PACS1: variants seen among roughly 807,000 people sequenced by gnomAD.
PACS1 encodes phosphofurin acidic cluster sorting protein 1.
Under a neutral mutation model 115.0 loss-of-function variants are expected in PACS1, and 24 were observed. That is an observed-to-expected ratio of 0.21 (90% CI 0.15 to 0.29). The LOEUF (loss-of-function observed/expected upper bound fraction) is 0.29, where lower values mean the gene tolerates loss of function less well. Among genes scored for constraint, PACS1 ranks in the 10% least tolerant of loss-of-function variants. The pLI is 1.00. For synonymous variants in PACS1, 453 were observed against 504.5 expected, an observed-to-expected ratio of 0.90 and a Z score of 1.37; for missense variants, 838 against 1,251.2, an observed-to-expected ratio of 0.67 and a Z score of 4.98.
rs377291413 is a variant in PACS1 at position 66,230,593 on chromosome 11, G to A, written c.1420G>A (p.Val474Ile). The change falls in exon 12 of 24, where the codon GTT becomes ATT. Residue 474 changes from valine to isoleucine, a missense_variant. By Grantham distance (29) the Val-to-Ile change is conservative. Coordinates refer to ENST00000320580, the MANE Select transcript of PACS1 (RefSeq NM_018026.4). Reference protein sequence around the residue: ...DMFGDASTSLVVPEKVKTPMK... With the variant: ...DMFGDASTSLIVPEKVKTPMK... The stretch of plus-strand genomic sequence containing the variant: ...GTTTGGAGATGCCAGCACGAGTCTG[G>A]TTGTGCCGGAGAAAGTCAAAACTCC... 37 of 1,614,022 alleles carry A rather than the reference G, an allele frequency of 2.3e-5. No individual in the cohort carries two copies. In the East Asian group the frequency reaches 7.8e-4, roughly 34 times the overall value.
At chr11:66,129,538 C>G (rs930185249) in intron 1 of PACS1, among the ~76,000 whole-genome samples, 3 of 151,310 alleles carry the variant, frequency 2.0e-5, no homozygotes, top group Non-Finnish European at 4.4e-5. Flanking sequence ...TCTCGAACTC[C>G]TGGGCTCAAG....
chr11:66,091,801 T>C (rs1857671546), intron 1 of PACS1, among the ~76,000 whole-genome samples: 1 of 151,980 alleles, frequency 6.6e-6, no homozygotes, highest in Admixed American at 6.6e-5. Flanking sequence ...GATAGTTTAC[T>C]GAGAATGATG....
At chr11:66,143,844 TGGCCA>T (rs1481657447) in intron 1 of PACS1, among the ~76,000 whole-genome samples, 11 of 152,220 alleles carry the variant, frequency 7.2e-5, no homozygotes, top group African/African-American at 2.7e-4. Flanking sequence ...TTTGCTATGT[TGGCCA>T]GGCTGGTTTC....
chr11:66,231,058 C>G (rs1855582339), intron 13 of PACS1, 118 bp downstream of exon 13: 2 of 1,280,026 alleles, frequency 1.6e-6, no homozygotes, highest in South Asian at 2.5e-5. Flanking sequence ...TGGAAATGCT[C>G]TGAACAAAAA....
chr11:66,154,234 C>T (rs757698597), intron 1 of PACS1, among the ~76,000 whole-genome samples: 4 of 152,070 alleles, frequency 2.6e-5, no homozygotes, highest in Non-Finnish European at 4.4e-5. Context: ...GCCAGGAATT[C>T]AAGACCAGCC....
In PACS1 at chr11:66,136,373, A is replaced by G. The variant is rs549634249; in HGVS notation, c.357-57113A>G. Among the ~76,000 whole-genome samples, 15 of 151,274 alleles carry G rather than the reference A, an allele frequency of 9.9e-5. 1 individual carries two copies. The highest frequency in any genetic ancestry group is 3.6e-4 in the African/African-American group (15 of 41,146). ...CACACACCAAAAACCAAAACAAACC[A>G]AAATATTCCTGAGTGCAGGAGTTAT... On this transcript the variant is annotated intron_variant, in intron 1 of 23. Coordinates refer to ENST00000320580, the MANE Select transcript of PACS1 (RefSeq NM_018026.4).
intron 1 of PACS1, among the ~76,000 whole-genome samples, chr11:66,141,065 GAAT>G (rs1182105146): frequency 5.3e-5 from 8 of 152,048 alleles, no homozygotes; most frequent in African/African-American, 1.9e-4. Context: ...AAAATGCAAA[GAAT>G]AAATTCACAT....
chr11:66,164,581 TATATGTATTATATAATATATAATAC>T lies in PACS1; in HGVS notation c.357-28900_357-28876del, dbSNP rs1859557342. Reference sequence around the variant, plus strand: ...TCTCTTAATACATATATATATTTTATATATGTATTATATAATATATAATACATATATATATGTATTTTTTTTTTGT... The same window carrying T: ...TCTCTTAATACATATATATATTTTATATATATATATGTATTTTTTTTTTGT... On this transcript the variant is annotated intron_variant, in intron 1 of 23. Coordinates refer to ENST00000320580, the MANE Select transcript of PACS1 (RefSeq NM_018026.4). Among the ~76,000 whole-genome samples the T allele has an allele frequency of 2.1e-5, 3 of 145,616 alleles. No homozygotes were observed. The Admixed American group carries it at 2.1e-4, about 10-fold the overall frequency.
intron 2 of PACS1, among the ~76,000 whole-genome samples, chr11:66,196,789 G>T (rs556313223): frequency 6.4e-4 from 97 of 152,088 alleles, no homozygotes; most frequent in African/African-American, 2.3e-3. Flanking sequence ...GTAGAGACGG[G>T]GTTTTACCAT....
chr11:66,086,978 T>G (rs1462249652), intron 1 of PACS1, among the ~76,000 whole-genome samples: 1 of 152,210 alleles, frequency 6.6e-6, no homozygotes, highest in Non-Finnish European at 1.5e-5. Flanking sequence ...AAAAACCTTT[T>G]GTTTGGAATG....
chr11:66,087,028 C>T (rs1590734410), intron 1 of PACS1, among the ~76,000 whole-genome samples: 1 of 152,122 alleles, frequency 6.6e-6, no homozygotes, highest in African/African-American at 2.4e-5. Flanking sequence ...ATAAGCCTAA[C>T]TTGATAAATT....
Position 66,138,084 on chromosome 11 carries a change from G to GTTTATTTATTTATTTA in PACS1, c.357-55391_357-55376dup, listed in dbSNP as rs56348908. On this transcript the variant is annotated intron_variant, in intron 1 of 23. Transcript: ENST00000320580. Reference sequence around the variant, plus strand: ...CTGGGGTAGGCCAAGATTTTGCCCCGTTTATTTATTTATTTATTTATTTAT... The same window carrying GTTTATTTATTTATTTA: ...CTGGGGTAGGCCAAGATTTTGCCCCGTTTATTTATTTATTTATTTATTTATTTATTTATTTATTTAT... Among the ~76,000 whole-genome samples the GTTTATTTATTTATTTA allele has an allele frequency of 8.9e-3, 1,328 of 149,398 alleles. 18 individuals are homozygous for GTTTATTTATTTATTTA. Among genetic ancestry groups the GTTTATTTATTTATTTA allele is most frequent in the African/African-American group, 0.031 (1,239 of 40,202 alleles).
chr11:66,214,541 C>T (rs141727354), intron 4 of PACS1, among the ~76,000 whole-genome samples: 31 of 142,030 alleles, frequency 2.2e-4, no homozygotes, highest in African/African-American at 7.8e-4. Context: ...CCTTTCCTTT[C>T]CCTCCCTCCC....
At chr11:66,147,855 C>T (rs910088399) in intron 1 of PACS1, among the ~76,000 whole-genome samples, 2 of 152,132 alleles carry the variant, frequency 1.3e-5, no homozygotes, top group African/African-American at 4.8e-5. Flanking sequence ...TTGTCTGTGA[C>T]ACAAATGATA....
chr11:66,085,518 G>A (rs1857551726), intron 1 of PACS1, among the ~76,000 whole-genome samples: 1 of 152,060 alleles, frequency 6.6e-6, no homozygotes, highest in African/African-American at 2.4e-5. Context: ...AATGACAGCT[G>A]GGTTTTCATT....
Position 66,233,939 on chromosome 11 carries a change from G to A in PACS1, c.1993G>A (p.Gly665Ser), listed in dbSNP as rs1855653548. 2 of 1,569,834 alleles carry A rather than the reference G, an allele frequency of 1.3e-6. No homozygotes were observed. The highest frequency in any genetic ancestry group is 8.7e-7 in the Non-Finnish European group (1 of 1,155,206). The change falls in exon 16 of 24, where the codon GGT becomes AGT. Residue 665 changes from glycine (G) to serine (S), a missense_variant and splice_region_variant. Gly to Ser is a moderately conservative substitution (Grantham distance 56). Around this residue, in one of 6 missense-constraint regions of PACS1, gnomAD observed 383 missense variants for 537.0 expected, o/e 0.71. Coordinates refer to ENST00000320580, the MANE Select transcript of PACS1 (RefSeq NM_018026.4). The surrounding 1 kb of genome is among the most constrained non-coding windows in gnomAD (Gnocchi z 4.5). ...GYMRFLIIPL[G>S]SHPVAKYLGS... ...CATGCGCTTCCTCATCATCCCCCTC[G>A]GTAAAGACGGGAGGCACCAGGAGGG...
At chr11:66,101,815 C>T (rs1017159923) in intron 1 of PACS1, among the ~76,000 whole-genome samples, 11 of 152,048 alleles carry the variant, frequency 7.2e-5, no homozygotes, top group Non-Finnish European at 1.2e-4. Context: ...TAAAGGGAGA[C>T]GGTTACTGGG....
chr11:66,087,322 C>T (rs1487790720), intron 1 of PACS1, among the ~76,000 whole-genome samples: 1 of 151,856 alleles, frequency 6.6e-6, no homozygotes, highest in African/African-American at 2.4e-5. Flanking sequence ...CTCACTGCAA[C>T]CTCCGCCTCC....
intron 1 of PACS1, among the ~76,000 whole-genome samples, chr11:66,127,428 AAGAGC>A (rs1455743735): frequency 1.3e-5 from 2 of 152,208 alleles, no homozygotes; most frequent in Non-Finnish European, 2.9e-5. Flanking sequence ...CGACTGCATC[AAGAGC>A]CTCCCCTTAG....
Sources: gnomAD v4.1 joint callset for allele counts (sites outside exome capture counted in the v4.1 genomes callset) on GRCh38, gnomAD v4.1.1 for gene constraint, gnomAD v4.1.1 regional missense constraint, Gnocchi (gnomAD v3.1) non-coding constraint, MANE v1.5 for transcripts, NCBI Gene and HGNC (gene_info 2026-07-23, HGNC 2026-07-21) for gene names.